RP1: variants seen among roughly 807,000 people sequenced by gnomAD.
The protein encoded by RP1 is RP1 axonemal microtubule associated.
A neutral mutation model predicts 14.8 loss-of-function variants in RP1; 16 were observed. The observed-to-expected ratio is 1.08, with a 90% CI of 0.73 to 1.65. The LOEUF (loss-of-function observed/expected upper bound fraction) is 1.65. Ranked by LOEUF, RP1 falls within the 40% of genes most tolerant of loss-of-function variation. The pLI is 0.00. For synonymous variants in RP1, 876 were observed against 883.6 expected (o/e 0.99, Z 0.15); for missense variants, 2,631 against 2,535.0 (o/e 1.04, Z -0.81).
intron 4 of RP1, among the ~76,000 whole-genome samples, chr8:54,651,409 T>A (rs1258128329): frequency 6.6e-6 from 1 of 152,120 alleles, no homozygotes; most frequent in Non-Finnish European, 1.5e-5. Flanking sequence ...TTTTTTTTTC[T>A]TGGGAGGTTT....
rs200109948 is a variant in RP1, at chr8:54,626,779, A to C, written c.2897A>C (p.Asn966Thr). The C allele has an allele frequency of 6.2e-7, 1 of 1,613,852 alleles. No individual in the cohort carries two copies. Among genetic ancestry groups the C allele is most frequent in the Admixed American group, 1.7e-5 (1 of 60,014 alleles). The change falls in exon 4 of 4, where the codon AAT becomes ACT. Residue 966 changes from asparagine to threonine, a missense_variant. Physicochemically the swap from Asn to Thr is moderately conservative, Grantham distance 65 (BLOSUM62 0). Transcript: ENST00000220676. The stretch of plus-strand genomic sequence containing the variant: ...CATACAAATTCTGGAAAAATAAGTA[A>C]TTTTGTTATGGAAAGTAATAAGCAC... Reference protein sequence around the residue: ...DPHTNSGKISNFVMESNKHIT... With the variant: ...DPHTNSGKISTFVMESNKHIT...
chr8:54,612,301 A>T (rs1247875217), upstream of RP1, among the ~76,000 whole-genome samples: 1 of 151,952 alleles, frequency 6.6e-6, no homozygotes, highest in Non-Finnish European at 1.5e-5. Context: ...CTTATTTCTC[A>T]CTCTGGATCC....
intron 23 of RP1, among the ~76,000 whole-genome samples, chr8:54,776,982 G>A (rs977703473): frequency 6.6e-6 from 1 of 152,226 alleles, no homozygotes; most frequent in Non-Finnish European, 1.5e-5. Flanking sequence ...CTCAGCGGCT[G>A]CTGAGTGTTC....
chr8:54,575,467 C>A (rs1804620790), intron 1 of RP1, among the ~76,000 whole-genome samples: 1 of 151,986 alleles, frequency 6.6e-6, no homozygotes, highest in African/African-American at 2.4e-5. Context: ...TATAGGCATG[C>A]AATGTGTGAT....
At chr8:54,612,836 T>A (rs1805628007), upstream of RP1, among the ~76,000 whole-genome samples, 1 of 152,226 alleles carries the variant, frequency 6.6e-6, no homozygotes, top group South Asian at 2.1e-4. Context: ...AACACACTTC[T>A]GTCAAATATC....
At chr8:54,637,080 T>G (rs1806363577) in intron 3 of RP1, among the ~76,000 whole-genome samples, 1 of 152,186 alleles carries the variant, frequency 6.6e-6, no homozygotes, top group South Asian at 2.1e-4. Context: ...GGAGATTGTC[T>G]GGTGCTCTTC....
chr8:54,670,521 GTGTATATATATACATA>G (rs1563343143), intron 7 of RP1, among the ~76,000 whole-genome samples: 1,597 of 51,204 alleles, frequency 0.031, 141 homozygotes, highest in African/African-American at 0.036. Context: ...ATATATGTAT[GTGTATATATATACATA>G]TATATGTATG....
intron 3 of RP1, among the ~76,000 whole-genome samples, chr8:54,624,238 G>A (rs920659268): frequency 2.0e-5 from 3 of 151,734 alleles, no homozygotes; most frequent in African/African-American, 4.8e-5. Flanking sequence ...TCAGGAGATC[G>A]ACGAGACCAT....
In RP1 at chr8:54,608,377, C is replaced by T. The variant is rs376583885; in HGVS notation, c.-12-12578C>T. 2.0e-4 allele frequency among the ~76,000 whole-genome samples: 30 copies of T among 152,090 alleles called. No homozygotes were observed. The East Asian group carries it at 2.7e-3, about 14-fold the overall frequency. On this transcript the variant is annotated intron_variant, in intron 1 of 22. Coordinates refer to the RP1 transcript ENST00000636932. ...AGTTTTAAAAACTAGATGGTCATGA[C>T]GGTATGTTCAATGTAAGGGAGCATA... is the stretch of plus-strand genomic sequence containing the variant.
intron 1 of RP1, among the ~76,000 whole-genome samples, chr8:54,567,681 C>T (rs181703991): frequency 1.6e-4 from 25 of 152,156 alleles, no homozygotes; most frequent in African/African-American, 5.8e-4. Flanking sequence ...CTTGTAAATG[C>T]ATAGATTTGA....
At chr8:54,787,310 A>C (rs1810344870) in intron 24 of RP1, among the ~76,000 whole-genome samples, 1 of 152,168 alleles carries the variant, frequency 6.6e-6, no homozygotes, top group African/African-American at 2.4e-5. Context: ...TCTAGAGAAC[A>C]GGGACTAGAC....
intron 25 of RP1, among the ~76,000 whole-genome samples, chr8:54,840,533 C>A (rs1811766833): frequency 6.7e-6 from 1 of 148,264 alleles, no homozygotes; most frequent in Admixed American, 6.8e-5. Context: ...ACTTTAAAGT[C>A]TGTTATACAA....
rs1322877420 is a variant in RP1, at chr8:54,628,785, C to A, written c.4903C>A (p.Leu1635Met). Residue 1635 changes from leucine (L) to methionine (M), a missense_variant, in exon 4 of 4, where the codon CTG becomes ATG. Leu to Met is a conservative substitution (Grantham distance 15). Coordinates refer to ENST00000220676, the MANE Select transcript of RP1 (RefSeq NM_006269.2). ...ATTTGTTAAAAGGGCAATAGAAAAA[C>A]TGTACGGTAAAGCAGATATTATCAA... The part of the protein sequence containing the change: ...IGFVKRAIEK[L>M]YGKADIIKPS... 6.2e-7 allele frequency: 1 copy of A among 1,614,096 alleles called. No individual in the cohort carries two copies. The highest frequency in any genetic ancestry group is 2.2e-5 in the East Asian group (1 of 44,884).
At chr8:54,705,518 A>C (rs543395197) in intron 14 of RP1, among the ~76,000 whole-genome samples, 1 of 152,274 alleles carries the variant, frequency 6.6e-6, no homozygotes, top group African/African-American at 2.4e-5. Context: ...TCAGGAGGTC[A>C]CTTAACACTT....
rs1272115106 is a variant in RP1, at chr8:54,584,810, C to G, written c.-13+25490C>G. ...GGTTTATAGTCTGTTTTATCTGAGA[C>G]TAAGATTGCAACCCCTGCCTTTTTT... On this transcript the variant is annotated intron_variant, in intron 1 of 22. Coordinates refer to the RP1 transcript ENST00000636932. Among the ~76,000 whole-genome samples the G allele has an allele frequency of 5.3e-5, 8 of 152,260 alleles. No homozygotes were observed. In the South Asian group the frequency reaches 1.0e-3, roughly 20 times the overall value.
chr8:54,694,097 T>C (rs1244922628), intron 12 of RP1, among the ~76,000 whole-genome samples: 1 of 152,172 alleles, frequency 6.6e-6, no homozygotes, highest in Non-Finnish European at 1.5e-5. Flanking sequence ...TTGTCTTTGG[T>C]TCTATTTATA....
chr8:54,738,071 G>A (rs536816491), intron 18 of RP1, among the ~76,000 whole-genome samples: 1 of 152,224 alleles, frequency 6.6e-6, no homozygotes, highest in African/African-American at 2.4e-5. Context: ...TCCCTTGCTA[G>A]TCTGTATATT....
intron 19 of RP1, among the ~76,000 whole-genome samples, chr8:54,741,040 A>C (rs920602377): frequency 5.9e-5 from 9 of 152,108 alleles, no homozygotes; most frequent in Admixed American, 2.6e-4. Context: ...TTGTCTCAAA[A>C]AAAAAAAAAG....
chr8:54,663,785 A>T lies in RP1; in HGVS notation c.1258A>T (p.Lys420Ter). The T allele has an allele frequency of 6.5e-7, 1 of 1,535,356 alleles. No homozygotes were observed. The highest frequency in any genetic ancestry group is 8.7e-7 in the Non-Finnish European group (1 of 1,146,516). ...CGTCTACATTTCTATCCATGGGGAA[A>T]AGGGAGATACAGGATCCAGACAACT... Residue 420 changes from lysine to a stop codon, truncating the protein, a stop_gained, in exon 7 of 23, where the codon AAG becomes TAG. Coordinates refer to the RP1 transcript ENST00000636932. LOFTEE classifies it high-confidence loss of function.
Sources: gnomAD v4.1 joint callset for allele counts (sites outside exome capture counted in the v4.1 genomes callset) on GRCh38, gnomAD v4.1.1 for gene constraint, MANE v1.5 for transcripts, NCBI Gene and HGNC (gene_info 2026-07-23, HGNC 2026-07-21) for gene names.